The following CACNA2D1 variants were observed in gnomAD, a reference collection of about 807,000 sequenced individuals.
CACNA2D1 encodes the protein calcium voltage-gated channel auxiliary subunit alpha2delta 1.
Under a neutral mutation model 171.5 loss-of-function variants are expected in CACNA2D1, and 53 were observed. The ratio of observed to expected loss-of-function variants is 0.31; its 90% confidence interval spans 0.25 to 0.39. CACNA2D1 has a LOEUF of 0.39. Ranked by LOEUF, CACNA2D1 falls within the 10% of genes least tolerant of loss-of-function variation. The pLI, the probability that CACNA2D1 is intolerant of heterozygous loss-of-function variation, is 1.00. For missense variants in CACNA2D1, 903 were observed against 1,299.8 expected (o/e 0.69, Z 4.69); for synonymous variants, 442 against 443.1 (o/e 1.00, Z 0.03).
At chr7:82,315,235 G>T (rs1814973589) in intron 3 of CACNA2D1, among the ~76,000 whole-genome samples, 1 of 152,126 alleles carries the variant, frequency 6.6e-6, no homozygotes, top group South Asian at 2.1e-4. Context: ...AGGAGCATCA[G>T]TGTAGAGATA....
intron 3 of CACNA2D1, among the ~76,000 whole-genome samples, chr7:82,213,231 A>C (rs1800753318): frequency 2.0e-5 from 3 of 152,118 alleles, no homozygotes; most frequent in Admixed American, 6.5e-5. Context: ...AATATTCTAG[A>C]GTGTTTTTCA....
chr7:82,113,536 T>C (rs991640479), intron 6 of CACNA2D1, among the ~76,000 whole-genome samples: 3 of 152,122 alleles, frequency 2.0e-5, no homozygotes, highest in African/African-American at 7.2e-5. Flanking sequence ...TGAGCAGAAA[T>C]AATCACATTT....
chr7:82,346,897 G>A (rs1819324658), intron 2 of CACNA2D1, among the ~76,000 whole-genome samples: 1 of 152,160 alleles, frequency 6.6e-6, no homozygotes, highest in African/African-American at 2.4e-5. Flanking sequence ...AAGCATACAA[G>A]AAGGTGTTTC....
chr7:82,373,248 C>A (rs1822621964), intron 1 of CACNA2D1, among the ~76,000 whole-genome samples: 1 of 152,150 alleles, frequency 6.6e-6, no homozygotes. Flanking sequence ...TGCCTTTATC[C>A]ATTTAACTCA....
At chr7:82,066,300 T>C (rs1272748503) in intron 8 of CACNA2D1, among the ~76,000 whole-genome samples, 155 bp downstream of exon 8, 2 of 152,170 alleles carry the variant, frequency 1.3e-5, no homozygotes, top group African/African-American at 4.8e-5. Context: ...CTCATCATTT[T>C]CATTTACCTT....
chr7:82,394,572 A>G (rs1420746359), intron 1 of CACNA2D1, among the ~76,000 whole-genome samples: 1 of 152,198 alleles, frequency 6.6e-6, no homozygotes, highest in African/African-American at 2.4e-5. Flanking sequence ...CTTGTATTTG[A>G]GACACAGAAA....
rs965039839 is a variant in CACNA2D1 at position 82,032,679 on chromosome 7, A to C, written c.1143+118T>G. On this transcript the variant is annotated intron_variant, in intron 12 of 38. Coordinates refer to ENST00000356860, the MANE Select transcript of CACNA2D1 (RefSeq NM_000722.4). ...TATAATCTATGATTCATATGGCTTT[A>C]TAATTGGCACAATCAGGTTTTAAAT... 13 of 608,924 alleles carry C rather than the reference A, an allele frequency of 2.1e-5. No individual in the cohort carries two copies. In the African/African-American group the frequency reaches 2.2e-4, roughly 10 times the overall value. 37.7% of individuals were successfully genotyped at this position (608,924 alleles called of 1,614,324 possible).
At chr7:82,205,214 T>A (rs1355426260) in intron 3 of CACNA2D1, among the ~76,000 whole-genome samples, 1 of 152,188 alleles carries the variant, frequency 6.6e-6, no homozygotes, top group Non-Finnish European at 1.5e-5. Context: ...ATCTGATATT[T>A]GGTGTGACAT....
intron 5 of CACNA2D1, among the ~76,000 whole-genome samples, chr7:82,119,060 C>T (rs569250365): frequency 2.0e-5 from 3 of 152,074 alleles, no homozygotes; most frequent in South Asian, 4.2e-4. Context: ...ATACAAAGGA[C>T]CTGACTTTTA....
intron 3 of CACNA2D1, among the ~76,000 whole-genome samples, chr7:82,303,597 C>T (rs1813330670): frequency 6.6e-6 from 1 of 152,094 alleles, no homozygotes; most frequent in African/African-American, 2.4e-5. Flanking sequence ...GACACATAGA[C>T]CAATGGAACA....
At chr7:82,125,047 G>A (rs1360813294) in intron 5 of CACNA2D1, among the ~76,000 whole-genome samples, 2 of 152,092 alleles carry the variant, frequency 1.3e-5, no homozygotes, top group Non-Finnish European at 2.9e-5. Context: ...ATTGGGCACT[G>A]AAAAAGACAT....
At chr7:81,991,984 G>A (rs1797588812) in intron 20 of CACNA2D1, among the ~76,000 whole-genome samples, 1 of 148,818 alleles carries the variant, frequency 6.7e-6, no homozygotes, top group African/African-American at 2.5e-5. Flanking sequence ...ACAGGGGCCT[G>A]CCACCACGCC....
rs1792069948 is a variant in CACNA2D1 at position 81,946,609 on chromosome 7, A to T, written c.*3783T>A. The T allele has an allele frequency of 6.6e-6, 1 of 152,162 alleles. No homozygotes were observed. Among genetic ancestry groups the T allele is most frequent in the African/African-American group, 2.4e-5 (1 of 41,448 alleles). The allele number at this position is 152,162 out of a possible 1,614,324, so 9.4% of individuals were successfully genotyped here. A position where few individuals can be genotyped will look rare whatever the true frequency, so the allele number is the denominator to read the frequency against. ...ACAAAAGTGTCAAGAGAACAAAATAAAGGGGAGAAAAGATCTATTGTTCAC... is the reference window on the plus strand; with the variant it reads ...ACAAAAGTGTCAAGAGAACAAAATATAGGGGAGAAAAGATCTATTGTTCAC... On this transcript the variant is annotated 3_prime_UTR_variant, in exon 39 of 39. Coordinates refer to ENST00000356860, the MANE Select transcript of CACNA2D1 (RefSeq NM_000722.4).
intron 6 of CACNA2D1, among the ~76,000 whole-genome samples, chr7:82,090,666 G>A (rs1465491270): frequency 6.6e-6 from 1 of 151,830 alleles, no homozygotes; most frequent in Non-Finnish European, 1.5e-5. Flanking sequence ...CACTCTTTGG[G>A]TTGGGCAAAT....
At chr7:82,293,865 G>A (rs1585373813) in intron 3 of CACNA2D1, among the ~76,000 whole-genome samples, 1 of 152,198 alleles carries the variant, frequency 6.6e-6, no homozygotes, top group South Asian at 2.1e-4. Context: ...AGAGATATGA[G>A]GTGCAAATGT....
chr7:82,113,342 C>T (rs1374273369), intron 6 of CACNA2D1, among the ~76,000 whole-genome samples: 1 of 151,872 alleles, frequency 6.6e-6, no homozygotes, highest in Non-Finnish European at 1.5e-5. Flanking sequence ...AATATTCAGC[C>T]CTTGTTTTTA....
chr7:82,393,091 C>CAGGA (rs1825357290), intron 1 of CACNA2D1, among the ~76,000 whole-genome samples: 2 of 54,240 alleles, frequency 3.7e-5, no homozygotes, highest in African/African-American at 1.7e-4. Flanking sequence ...GGAAGGCAGG[C>CAGGA]AGGCAGGCAG....
At chr7:82,385,955 A>G (rs1824312675) in intron 1 of CACNA2D1, among the ~76,000 whole-genome samples, 1 of 152,156 alleles carries the variant, frequency 6.6e-6, no homozygotes, top group Non-Finnish European at 1.5e-5. Context: ...GTGAACCACC[A>G]TGCCCAGTCT....
chr7:82,408,066 G>C (rs944873554), intron 1 of CACNA2D1, among the ~76,000 whole-genome samples: 6 of 150,612 alleles, frequency 4.0e-5, no homozygotes, highest in Non-Finnish European at 7.4e-5. Context: ...TGTTGCCCAG[G>C]CTGGAGTGCA....
Sources: gnomAD v4.1 joint callset for allele counts (sites outside exome capture counted in the v4.1 genomes callset) on GRCh38, gnomAD v4.1.1 for gene constraint, MANE v1.5 for transcripts, NCBI Gene and HGNC (gene_info 2026-07-23, HGNC 2026-07-21) for gene names.